The following FRMD3 variants were observed in gnomAD, a reference collection of about 807,000 sequenced individuals.
The protein encoded by FRMD3 is FERM domain-containing protein 3.
In FRMD3, 33 loss-of-function variants were observed where a neutral mutation model predicts 70.2. That is an observed-to-expected ratio of 0.47 (90% CI 0.36 to 0.63). FRMD3 has a LOEUF of 0.63. FRMD3 is among the 20% of genes least tolerant of loss of function. FRMD3 has a pLI of 0.00. For missense variants in FRMD3, 632 were observed against 711.4 expected, an observed-to-expected ratio of 0.89 and a Z score of 1.27; for synonymous variants, 279 against 255.9, an observed-to-expected ratio of 1.09 and a Z score of -0.86.
Position 83,244,742 on chromosome 9 carries a change from C to T in FRMD3, c.*3176G>A. 3.0e-6 allele frequency: 3 copies of T among 985,188 alleles called. No individual in the cohort carries two copies. Among genetic ancestry groups the T allele is most frequent in the Non-Finnish European group, 3.6e-6 (3 of 829,710 alleles). The allele number at this position is 985,188 out of a possible 1,614,324, so 61.0% of individuals were successfully genotyped here. ...AAAGGTAAGGCTCCAATCACAGTAA[C>T]ATGGCCCCCATATCTCTAGTATTTC... On this transcript the variant is annotated 3_prime_UTR_variant, in exon 14 of 14. Coordinates refer to ENST00000304195, the MANE Select transcript of FRMD3 (RefSeq NM_174938.6).
At chr9:83,351,352 A>ACC (rs2131189337) in intron 3 of FRMD3, among the ~76,000 whole-genome samples, 1 of 151,694 alleles carries the variant, frequency 6.6e-6, no homozygotes, top group East Asian at 1.9e-4. Context: ...ACACACACAC[A>ACC]CTAGAACTCT....
intron 1 of FRMD3, among the ~76,000 whole-genome samples, chr9:83,394,504 AAGAC>A (rs1167204952): frequency 6.6e-6 from 1 of 152,190 alleles, no homozygotes; most frequent in Non-Finnish European, 1.5e-5. Flanking sequence ...CTGTGTATTA[AAGAC>A]AATGTTTGTA....
intron 1 of FRMD3, among the ~76,000 whole-genome samples, chr9:83,433,966 G>A (rs1245041382): frequency 6.6e-6 from 1 of 152,210 alleles, no homozygotes; most frequent in East Asian, 1.9e-4. Context: ...TAAAGGACTT[G>A]TGTCAAAAGT....
the FRMD3 span, among the ~76,000 whole-genome samples, chr9:83,575,654 G>A: frequency 2.6e-5 from 4 of 152,026 alleles, no homozygotes; most frequent in Admixed American, 2.6e-4. Context: ...GGATAACTTA[G>A]GTCAAATAAA....
At chr9:83,299,324 C>A in intron 10 of FRMD3, 138 bp from the exon 11 acceptor site, 1 of 596,146 alleles carries the variant, frequency 1.7e-6, no homozygotes, top group Non-Finnish European at 3.0e-6. Flanking sequence ...GCATTGTGCA[C>A]ACAAAATATA....
the FRMD3 span, among the ~76,000 whole-genome samples, chr9:83,577,739 A>G: frequency 6.6e-6 from 1 of 152,024 alleles, no homozygotes; most frequent in East Asian, 1.9e-4. Flanking sequence ...CCTATACCAA[A>G]CAAGAAGAGA....
chr9:83,508,150 G>C (rs1829247463), intron 1 of FRMD3, among the ~76,000 whole-genome samples: 1 of 152,182 alleles, frequency 6.6e-6, no homozygotes, highest in Non-Finnish European at 1.5e-5. Flanking sequence ...AGCCAAATGT[G>C]AGAAGACAGA....
chr9:83,267,002 C>A, intron 13 of FRMD3: 1 of 1,550,366 alleles, frequency 6.5e-7, no homozygotes. Context: ...GCCCAGGGCA[C>A]CACACATACC....
intron 6 of FRMD3, among the ~76,000 whole-genome samples, chr9:83,325,631 A>T (rs531798966): frequency 6.6e-6 from 1 of 152,258 alleles, no homozygotes; most frequent in South Asian, 2.1e-4. Flanking sequence ...CACCTAAAAA[A>T]TTCATTTAAA....
rs1564097122 is a variant in FRMD3, at chr9:83,479,772, AGGGAGGGAGGGAG to A, written c.147+58300_147+58312del. On this transcript the variant is annotated intron_variant, in intron 1 of 13. Coordinates refer to ENST00000304195, the MANE Select transcript of FRMD3 (RefSeq NM_174938.6). Reference sequence around the variant, plus strand: ...AAAGAGAAGAAGAAGGGAGGGAGGGAGGGAGGGAGGGAGGGAAGGAAGGAAGGAAGGAAGGAAG... The same window carrying A: ...AAAGAGAAGAAGAAGGGAGGGAGGGAGGAAGGAAGGAAGGAAGGAAGGAAG... Among the ~76,000 whole-genome samples the A allele has an allele frequency of 2.1e-4, 10 of 47,912 alleles. 2 individuals carry two copies. The highest frequency in any genetic ancestry group is 1.1e-3 in the African/African-American group (9 of 7,954). 31.4% of individuals were successfully genotyped at this position (47,912 alleles called of 152,430 possible). A position where few individuals can be genotyped will look rare whatever the true frequency, so the allele number is the denominator to read the frequency against.
chr9:83,245,714 G>C lies in FRMD3; in HGVS notation c.*2204C>G, dbSNP rs1832060739. On this transcript the variant is annotated 3_prime_UTR_variant, in exon 14 of 14. Transcript: ENST00000304195. Reference sequence around the variant, plus strand: ...AGGGCCAGATGATTTGTCATAGTCAGAACTTTAGAGAAAATTATATGACGC... The same window carrying C: ...AGGGCCAGATGATTTGTCATAGTCACAACTTTAGAGAAAATTATATGACGC... 1.0e-6 allele frequency: 1 copy of C among 983,206 alleles called. No individual in the cohort carries two copies. The highest frequency in any genetic ancestry group is 1.2e-6 in the Non-Finnish European group (1 of 828,008). 60.9% of individuals were successfully genotyped at this position (983,206 alleles called of 1,614,324 possible). A position where few individuals can be genotyped will look rare whatever the true frequency, so the allele number is the denominator to read the frequency against.
chr9:83,452,846 G>GC (rs976599260), intron 1 of FRMD3, among the ~76,000 whole-genome samples: 2 of 107,368 alleles, frequency 1.9e-5, no homozygotes, highest in Non-Finnish European at 3.8e-5. Flanking sequence ...AATTTTTATT[G>GC]CCTTTTTTTT....
intron 1 of FRMD3, among the ~76,000 whole-genome samples, chr9:83,479,671 G>GGAAGGAAGGAAAGAAAGAAA (rs1357329351): frequency 1.0e-4 from 3 of 29,990 alleles, no homozygotes; most frequent in South Asian, 3.3e-3. Flanking sequence ...AAGGAAGGAA[G>GGAAGGAAGGAAAGAAAGAAA]GAAAGAAAGA....
intron 1 of FRMD3, among the ~76,000 whole-genome samples, chr9:83,427,699 G>A (rs1295602910): frequency 2.0e-5 from 3 of 148,564 alleles, no homozygotes; most frequent in Non-Finnish European, 4.4e-5. Context: ...CTAACTCAGT[G>A]TCTTTATACC....
intron 2 of FRMD3, among the ~76,000 whole-genome samples, chr9:83,387,444 CT>C (rs1273953691): frequency 1.3e-5 from 2 of 152,182 alleles, no homozygotes; most frequent in Non-Finnish European, 2.9e-5. Flanking sequence ...TCCTTAAAGG[CT>C]TTTCAGCAAG....
At chr9:83,391,174 G>A (rs1463298766) in intron 1 of FRMD3, among the ~76,000 whole-genome samples, 2 of 152,184 alleles carry the variant, frequency 1.3e-5, no homozygotes, top group Non-Finnish European at 2.9e-5. Context: ...TAAGCTTCAA[G>A]TTTTTAACTT....
chr9:83,383,830 G>A (rs987155788), intron 2 of FRMD3, among the ~76,000 whole-genome samples: 8 of 152,128 alleles, frequency 5.3e-5, no homozygotes, highest in South Asian at 2.1e-4. Flanking sequence ...GCACATCTCC[G>A]TTGGCTAAGT....
intron 4 of FRMD3, among the ~76,000 whole-genome samples, chr9:83,349,171 G>C (rs1824061113): frequency 6.6e-6 from 1 of 152,184 alleles, no homozygotes; most frequent in African/African-American, 2.4e-5. Flanking sequence ...GAGGTGAGAA[G>C]GGAGGAGGTC....
At chr9:83,254,891 C>T (rs1687852041) in intron 13 of FRMD3, among the ~76,000 whole-genome samples, 1 of 152,010 alleles carries the variant, frequency 6.6e-6, no homozygotes, top group South Asian at 2.1e-4. Flanking sequence ...AAATAGCCTA[C>T]CAATATAAAA....
Sources: gnomAD v4.1 joint callset for allele counts (sites outside exome capture counted in the v4.1 genomes callset) on GRCh38, gnomAD v4.1.1 for gene constraint, MANE v1.5 for transcripts, NCBI Gene and HGNC (gene_info 2026-07-23, HGNC 2026-07-21) for gene names.